CNDP1: variants seen among roughly 807,000 people sequenced by gnomAD.
CNDP1 encodes beta-Ala-His dipeptidase.
In CNDP1, 44 loss-of-function variants were observed where a neutral mutation model predicts 58.1. That is an observed-to-expected ratio of 0.76 (90% CI 0.60 to 0.97). The LOEUF is 0.97. CNDP1 is among the 50% of genes least tolerant of loss of function. CNDP1 has a pLI of 0.00. For synonymous variants in CNDP1, 254 were observed against 252.6 expected, an observed-to-expected ratio of 1.01 and a Z score of -0.05; for missense variants, 616 against 655.1, an observed-to-expected ratio of 0.94 and a Z score of 0.65.
intron 1 of CNDP1, among the ~76,000 whole-genome samples, chr18:74,555,989 T>C (rs1377669829): frequency 7.3e-6 from 1 of 136,338 alleles, no homozygotes; most frequent in Non-Finnish European, 1.6e-5. Context: ...TACCTTACTC[T>C]TTTCTCTCTT....
intron 7 of CNDP1, 92 bp downstream of exon 7, chr18:74,571,362 A>T: frequency 1.1e-6 from 1 of 888,180 alleles, no homozygotes; most frequent in Non-Finnish European, 1.9e-6. Flanking sequence ...TGCTTTCTGA[A>T]CCAGCTCTGA....
At chr18:74,570,704 C>T (rs942981553) in intron 6 of CNDP1, among the ~76,000 whole-genome samples, 11 of 151,972 alleles carry the variant, frequency 7.2e-5, no homozygotes, top group African/African-American at 2.7e-4. Context: ...GAAGGATGAG[C>T]CAAGTATTAA....
At chr18:74,562,920 CG>C (rs149594145) in intron 5 of CNDP1, among the ~76,000 whole-genome samples, 8,188 of 152,148 alleles carry the variant, frequency 0.054, 752 homozygotes, top group African/African-American at 0.19. Flanking sequence ...CTCTGGGCCT[CG>C]GAATCTGTTC....
chr18:74,578,387 C>T (rs762369301), intron 9 of CNDP1, 60 bp downstream of exon 9: 82 of 1,503,356 alleles, frequency 5.5e-5, no homozygotes, highest in Middle Eastern at 1.8e-4. Context: ...GAATCCCGCA[C>T]ATCACGGCTT....
In CNDP1 at chr18:74,578,284, T is replaced by A. The variant is rs1365453482; in HGVS notation, c.1124T>A (p.Ile375Asn). The A allele has an allele frequency of 1.9e-6, 3 of 1,613,270 alleles. No homozygotes were observed. Among genetic ancestry groups the A allele is most frequent in the African/African-American group, 1.3e-5 (1 of 74,844 alleles). Reference sequence around the variant, plus strand: ...GGCCGAGTTATAGGAAAATTTTCAATCCGTCTAGTCCCTCACATGAATGTG... The same window carrying A: ...GGCCGAGTTATAGGAAAATTTTCAAACCGTCTAGTCCCTCACATGAATGTG... ...IPGRVIGKFS[I>N]RLVPHMNVSA... Residue 375 changes from isoleucine (I) to asparagine (N), a missense_variant, in exon 9 of 12, where the codon ATC (isoleucine) becomes AAC (asparagine). Transcript: ENST00000358821.
At chr18:74,567,187 C>G in intron 5 of CNDP1, 46 bp from the exon 6 acceptor site, 1 of 1,503,402 alleles carries the variant, frequency 6.7e-7, no homozygotes, top group Middle Eastern at 1.7e-4. Flanking sequence ...CACAGCCAAA[C>G]CACATCAGGC....
chr18:74,541,203 C>G (rs1980615408), intron 1 of CNDP1, among the ~76,000 whole-genome samples: 1 of 152,230 alleles, frequency 6.6e-6, no homozygotes, highest in Non-Finnish European at 1.5e-5. Flanking sequence ...GTCATGGGCT[C>G]TGCTGACGCA....
chr18:74,572,801 AAAAAAAAAAAG>A (rs1358854893), intron 7 of CNDP1, among the ~76,000 whole-genome samples: 53 of 142,716 alleles, frequency 3.7e-4, no homozygotes, highest in African/African-American at 1.3e-3. Flanking sequence ...AAAAAAAAAA[AAAAAAAAAAAG>A]AAAGAAAGAA....
Position 74,556,437 on chromosome 18 carries a change from A to T in CNDP1, c.124A>T (p.Ile42Phe), listed in dbSNP as rs778159256. The T allele has an allele frequency of 6.2e-7, 1 of 1,614,210 alleles. No homozygotes were observed. The highest frequency in any genetic ancestry group is 1.1e-5 in the South Asian group (1 of 91,084). ...PALLEKVFQY[I>F]DLHQDEFVQT... ...GCTGTTAGAGAAAGTCTTCCAGTAC[A>T]TTGACCTCCATCAGGATGAATTTGT... The change falls in exon 2 of 12, where the codon ATT becomes TTT. Residue 42 changes from isoleucine (I) to phenylalanine (F), a missense_variant. Coordinates refer to ENST00000358821, the MANE Select transcript of CNDP1 (RefSeq NM_032649.6).
chr18:74,535,010 A>C (rs1168773326), intron 1 of CNDP1, among the ~76,000 whole-genome samples: 1 of 152,238 alleles, frequency 6.6e-6, no homozygotes, highest in Non-Finnish European at 1.5e-5. Flanking sequence ...TCTTTAAAAA[A>C]AATGAGTTTG....
At chr18:74,559,549 A>T (rs1310398592) in intron 3 of CNDP1, 77 bp downstream of exon 3, 1 of 1,409,442 alleles carries the variant, frequency 7.1e-7, no homozygotes, top group Non-Finnish European at 9.6e-7. Context: ...GTGGCAAGGG[A>T]GAGGCTCACC....
intron 9 of CNDP1, among the ~76,000 whole-genome samples, chr18:74,579,206 TTCCCTTC>T (rs1555743776): frequency 7.0e-4 from 31 of 44,044 alleles, no homozygotes; most frequent in African/African-American, 2.3e-3. Flanking sequence ...TTCCCTTGCC[TTCCCTTC>T]CCTTCCCTTC....
intron 7 of CNDP1, among the ~76,000 whole-genome samples, chr18:74,572,219 G>A (rs976421560): frequency 6.6e-6 from 1 of 152,046 alleles, no homozygotes; most frequent in African/African-American, 2.4e-5. Context: ...GAAGTTGTAT[G>A]TTTTTCTCGG....
chr18:74,567,192 T>C (rs1414944259), intron 5 of CNDP1, 41 bp from the exon 6 acceptor site: 1 of 1,526,250 alleles, frequency 6.6e-7, no homozygotes, highest in Admixed American at 1.7e-5. Context: ...CCAAACCACA[T>C]CAGGCAACTT....
At chr18:74,550,749 T>G (rs909084601) in intron 1 of CNDP1, among the ~76,000 whole-genome samples, 9 of 150,488 alleles carry the variant, frequency 6.0e-5, no homozygotes, top group South Asian at 4.2e-4. Flanking sequence ...ACTATTTTTT[T>G]TTTTTGTTTT....
chr18:74,575,287 C>T (rs889246262), intron 7 of CNDP1, among the ~76,000 whole-genome samples: 4 of 152,136 alleles, frequency 2.6e-5, no homozygotes, highest in African/African-American at 9.7e-5. Context: ...GAACAGAGGC[C>T]TGGATCGTTT....
At chr18:74,561,667 T>C (rs570717922) in intron 4 of CNDP1, 67 of 193,598 alleles carry the variant, frequency 3.5e-4, no homozygotes, top group African/African-American at 1.4e-3. Flanking sequence ...TTTTTCATTC[T>C]TCTACTAACT....
chr18:74,568,122 C>T (rs972805308), intron 6 of CNDP1, among the ~76,000 whole-genome samples: 28 of 152,172 alleles, frequency 1.8e-4, no homozygotes, highest in South Asian at 8.3e-4. Context: ...AAGTCCCTCC[C>T]GGGTAAATAG....
rs1486545766 is a variant in CNDP1 at position 74,545,649 on chromosome 18, C to A, written c.25-10689C>A. On this transcript the variant is annotated intron_variant, in intron 1 of 11. Coordinates refer to ENST00000358821, the MANE Select transcript of CNDP1 (RefSeq NM_032649.6). This position sits in a 1 kb window ranked among gnomAD's most constrained non-coding sequence, Gnocchi z 4.1. Reference sequence around the variant, plus strand: ...CGTCTCTCTCAACTCCCCACTCCCTCCGACCCTCCTCCTCCTCTCTGCTGT... The same window carrying A: ...CGTCTCTCTCAACTCCCCACTCCCTACGACCCTCCTCCTCCTCTCTGCTGT... Among the ~76,000 whole-genome samples the A allele has an allele frequency of 6.6e-6, 1 of 152,132 alleles. No individual in the cohort carries two copies. The highest frequency in any genetic ancestry group is 1.5e-5 in the Non-Finnish European group (1 of 68,022).
Sources: gnomAD v4.1 joint callset for allele counts (sites outside exome capture counted in the v4.1 genomes callset) on GRCh38, gnomAD v4.1.1 for gene constraint, Gnocchi (gnomAD v3.1) non-coding constraint, MANE v1.5 for transcripts, NCBI Gene and HGNC (gene_info 2026-07-23, HGNC 2026-07-21) for gene names.